Variants in HIVEP1 observed in about 807,000 individuals in gnomAD.
HIVEP1 encodes the protein HIVEP zinc finger 1, also known as zinc finger protein 40.
A neutral mutation model predicts 180.0 loss-of-function variants in HIVEP1; 36 were observed. The observed-to-expected ratio is 0.20, with a 90% CI of 0.15 to 0.26. The LOEUF (loss-of-function observed/expected upper bound fraction) is 0.26, where lower values mean the gene tolerates loss of function less well. Ranked by LOEUF, HIVEP1 falls within the 10% of genes least tolerant of loss-of-function variation. HIVEP1 has a pLI of 1.00. For synonymous variants in HIVEP1, 1,239 were observed against 1,239.0 expected, an observed-to-expected ratio of 1.00 and a Z score of 0.00; for missense variants, 3,143 against 3,268.7, an observed-to-expected ratio of 0.96 and a Z score of 0.94.
intron 2 of HIVEP1, among the ~76,000 whole-genome samples, chr6:12,029,340 T>G (rs2113634444): frequency 6.6e-6 from 1 of 152,362 alleles, no homozygotes; most frequent in South Asian, 2.1e-4. Flanking sequence ...GTTGCAGGTG[T>G]GTCTTTTGTG....
At chr6:12,186,946 T>A in the HIVEP1 span, among the ~76,000 whole-genome samples, 1 of 151,674 alleles carries the variant, frequency 6.6e-6, no homozygotes, top group Non-Finnish European at 1.5e-5. Flanking sequence ...ATAAATTAAA[T>A]ACATGGAAAA....
In HIVEP1 at chr6:12,121,846, A is replaced by T; in HGVS notation, c.2051A>T (p.Gln684Leu). ...GYFSRSESAD[Q>L]TVSPPTPFAR... The stretch of plus-strand genomic sequence containing the variant: ...TTTTCACGTTCTGAAAGTGCCGATC[A>T]AACAGTGAGTCCACCAACTCCCTTT... Residue 684 changes from glutamine to leucine, a missense_variant, in exon 4 of 9, where the codon CAA becomes CTA. Gln to Leu is a moderately radical substitution (Grantham distance 113, BLOSUM62 -2). Transcript: ENST00000379388. This position sits in a 1 kb window ranked among gnomAD's most constrained non-coding sequence, Gnocchi z 5.3. 6.2e-7 allele frequency: 1 copy of T among 1,614,218 alleles called. No homozygotes were observed. The highest frequency in any genetic ancestry group is 8.5e-7 in the Non-Finnish European group (1 of 1,180,044).
In HIVEP1 at chr6:12,164,875, T is replaced by C. The variant is rs1581820849; in HGVS notation, c.*414T>C. 1 of 197,402 alleles carries C rather than the reference T, an allele frequency of 5.1e-6. No individual in the cohort carries two copies. Among genetic ancestry groups the C allele is most frequent in the East Asian group, 1.6e-4 (1 of 6,146 alleles). 12.2% of individuals were successfully genotyped at this position (197,402 alleles called of 1,614,324 possible). ...TATAAATTAGTATGTAAACTCCATA[T>C]TTATTGTATTCATATTAGTCTTTGA... On this transcript the variant is annotated 3_prime_UTR_variant, in exon 9 of 9. Coordinates refer to ENST00000379388, the MANE Select transcript of HIVEP1 (RefSeq NM_002114.4).
intron 2 of HIVEP1, among the ~76,000 whole-genome samples, chr6:12,024,841 C>T (rs1768472429): frequency 6.6e-6 from 1 of 152,192 alleles, no homozygotes; most frequent in African/African-American, 2.4e-5. Context: ...GTGCGCCTCT[C>T]TGAGAGAATT....
At chr6:12,060,817 A>T (rs1346860169) in intron 2 of HIVEP1, among the ~76,000 whole-genome samples, 1 of 152,162 alleles carries the variant, frequency 6.6e-6, no homozygotes, top group Non-Finnish European at 1.5e-5. Context: ...GTACTCTCGG[A>T]TGCAGAATAA....
intron 7 of HIVEP1, among the ~76,000 whole-genome samples, chr6:12,159,818 G>A (rs896973144): frequency 5.9e-5 from 9 of 152,160 alleles, no homozygotes; most frequent in Non-Finnish European, 1.0e-4. Flanking sequence ...TTTCATCTTA[G>A]AGTTTTTTAA....
intron 7 of HIVEP1, among the ~76,000 whole-genome samples, chr6:12,139,838 C>T (rs1758913471): frequency 6.6e-6 from 1 of 152,218 alleles, no homozygotes; most frequent in Non-Finnish European, 1.5e-5. Flanking sequence ...GCTGGGGAAG[C>T]TCAAACTGGG....
chr6:12,176,823 C>T, the HIVEP1 span, among the ~76,000 whole-genome samples: 1 of 152,108 alleles, frequency 6.6e-6, no homozygotes, highest in Non-Finnish European at 1.5e-5. Context: ...TGCAGAAGCT[C>T]TTGTTTAATT....
chr6:12,033,242 G>A (rs1244519664), intron 2 of HIVEP1, among the ~76,000 whole-genome samples: 4 of 152,168 alleles, frequency 2.6e-5, no homozygotes, highest in Admixed American at 1.3e-4. Flanking sequence ...AGGTTATGGT[G>A]TATTAAATGC....
At chr6:12,183,522 A>C in the HIVEP1 span, among the ~76,000 whole-genome samples, 14 of 152,214 alleles carry the variant, frequency 9.2e-5, no homozygotes, top group African/African-American at 2.7e-4. Flanking sequence ...TTAGATGAGA[A>C]GTTTAACTGA....
intron 2 of HIVEP1, among the ~76,000 whole-genome samples, chr6:12,040,124 G>A (rs1039665676): frequency 6.6e-6 from 1 of 152,198 alleles, no homozygotes; most frequent in African/African-American, 2.4e-5. Context: ...CTGTGTGGGC[G>A]TGCATGCATA....
Position 12,130,803 on chromosome 6 carries a change from C to T in HIVEP1, c.6246C>T (p.Gly2082=). 3 of 1,609,038 alleles carry T rather than the reference C, an allele frequency of 1.9e-6. No individual in the cohort carries two copies. Among genetic ancestry groups the T allele is most frequent in the Non-Finnish European group, 2.6e-6 (3 of 1,175,834 alleles). Residue 2082 remains glycine, a synonymous_variant, in exon 6 of 9, where the codon GGC becomes GGT. Coordinates refer to ENST00000379388, the MANE Select transcript of HIVEP1 (RefSeq NM_002114.4). Reference sequence around the variant, plus strand: ...ATGAAGAGTATGTATATGTCCGAGGCAGGGGAAGAGGAAAATACATTTGTG... The same window carrying T: ...ATGAAGAGTATGTATATGTCCGAGGTAGGGGAAGAGGAAAATACATTTGTG... ...KSNEEYVYVR[G]RGRGKYICEE...
chr6:12,029,661 A>T (rs1396615330), intron 2 of HIVEP1, among the ~76,000 whole-genome samples: 1 of 152,280 alleles, frequency 6.6e-6, no homozygotes, highest in East Asian at 1.9e-4. Flanking sequence ...ACTTGAGAGT[A>T]ATACTAACTG....
chr6:12,163,970 C>G lies in HIVEP1; in HGVS notation c.7666C>G (p.Pro2556Ala). Residue 2556 changes from proline to alanine, a missense_variant, in exon 9 of 9, where the codon CCC (proline) becomes GCC (alanine). This residue lies in a region of HIVEP1 where 595 missense variants were observed against 602.2 expected (regional missense o/e 0.99). Coordinates refer to ENST00000379388, the MANE Select transcript of HIVEP1 (RefSeq NM_002114.4). ...ILNIALPTLI[P>A]SVSQVAVDAQ... ...GAACATAGCATTGCCCACCTTAATC[C>G]CCTCAGTCAGTCAAGTAGCCGTTGA... 6.2e-7 allele frequency: 1 copy of G among 1,614,136 alleles called. No individual in the cohort carries two copies. Among genetic ancestry groups the G allele is most frequent in the Non-Finnish European group, 8.5e-7 (1 of 1,180,026 alleles).
intron 7 of HIVEP1, among the ~76,000 whole-genome samples, chr6:12,153,366 C>T (rs1344930846): frequency 6.6e-6 from 1 of 152,044 alleles, no homozygotes; most frequent in Non-Finnish European, 1.5e-5. Context: ...GCTGTGGGCT[C>T]AACACTTTAA....
At chr6:12,055,941 T>C (rs889088719) in intron 2 of HIVEP1, among the ~76,000 whole-genome samples, 7 of 152,242 alleles carry the variant, frequency 4.6e-5, no homozygotes, top group Non-Finnish European at 1.0e-4. Flanking sequence ...GGAACTGTAC[T>C]ATATGTAATA....
rs1581759574 is a variant in HIVEP1, at chr6:12,135,818, A to G, written c.6413A>G (p.Lys2138Arg). 6.2e-7 allele frequency: 1 copy of G among 1,611,904 alleles called. No homozygotes were observed. Among genetic ancestry groups the G allele is most frequent in the Non-Finnish European group, 8.5e-7 (1 of 1,178,112 alleles). ...KGNLTKHMKSKAHSKKCVDLG... is the reference protein window; with the variant it reads ...KGNLTKHMKSRAHSKKCVDLG... ...AATCTGACAAAACACATGAAGTCCA[A>G]GGCACATAGCAAGAAATGTGTGGAT... The change falls in exon 7 of 9, where the codon AAG (lysine) becomes AGG (arginine). Residue 2138 changes from lysine (K) to arginine (R), a missense_variant. Around this residue, in one of 12 missense-constraint regions of HIVEP1, gnomAD observed 126 missense variants for 168.5 expected, o/e 0.75. Coordinates refer to ENST00000379388, the MANE Select transcript of HIVEP1 (RefSeq NM_002114.4).
the HIVEP1 span, among the ~76,000 whole-genome samples, chr6:12,205,106 C>T: frequency 6.6e-6 from 1 of 152,140 alleles, no homozygotes; most frequent in Non-Finnish European, 1.5e-5. Context: ...GGGGTGATGT[C>T]TCCTACAGTT....
chr6:12,083,170 A>G (rs1402614958), intron 2 of HIVEP1, among the ~76,000 whole-genome samples: 1 of 152,098 alleles, frequency 6.6e-6, no homozygotes, highest in Non-Finnish European at 1.5e-5. Flanking sequence ...GTTTCTGTAC[A>G]TTTCTACACA....
Sources: allele counts gnomAD v4.1 joint callset (sites outside exome capture counted in the v4.1 genomes callset), GRCh38; gene constraint gnomAD v4.1.1; regional missense constraint gnomAD v4.1.1; non-coding constraint Gnocchi (gnomAD v3.1); transcripts MANE v1.5; gene names NCBI Gene and HGNC (gene_info 2026-07-23, HGNC 2026-07-21).